Variants in GNA12 observed in about 807,000 individuals in gnomAD.
GNA12 encodes the protein guanine nucleotide-binding protein subunit alpha-12.
In GNA12, 9 loss-of-function variants were observed where a neutral mutation model predicts 26.0. The observed-to-expected ratio is 0.35, with a 90% CI of 0.21 to 0.60. The LOEUF is 0.60. GNA12 is among the 20% of genes least tolerant of loss of function. The pLI is 0.78. For missense variants in GNA12, 405 were observed against 525.8 expected, an observed-to-expected ratio of 0.77 and a Z score of 2.25; for synonymous variants, 264 against 219.6, an observed-to-expected ratio of 1.20 and a Z score of -1.79.
Position 2,813,269 on chromosome 7 carries a change from T to C in GNA12, c.310-18126A>G, listed in dbSNP as rs150723068. Reference sequence around the variant, plus strand: ...TCTAAGATGAAACAAAGTTTCAAACTATAAATATTTATGAGCTTTGAGGAA... The same window carrying C: ...TCTAAGATGAAACAAAGTTTCAAACCATAAATATTTATGAGCTTTGAGGAA... On this transcript the variant is annotated intron_variant, in intron 1 of 3. Transcript: ENST00000275364. 5.1e-3 allele frequency among the ~76,000 whole-genome samples: 776 copies of C among 152,358 alleles called. 4 individuals are homozygous for C. Among genetic ancestry groups the C allele is most frequent in the Non-Finnish European group, 8.6e-3 (582 of 68,028 alleles).
At chr7:2,787,721 G>C (rs184109723) in intron 2 of GNA12, among the ~76,000 whole-genome samples, 2 of 152,358 alleles carry the variant, frequency 1.3e-5, no homozygotes, top group African/African-American at 4.8e-5. Flanking sequence ...GGAAGGGGGA[G>C]AGGCCGGGGG....
intron 1 of GNA12, among the ~76,000 whole-genome samples, chr7:2,812,056 C>T (rs766927429): frequency 1.4e-4 from 21 of 152,252 alleles, no homozygotes; most frequent in Non-Finnish European, 2.2e-4. Context: ...GCGTTTCACG[C>T]GACTCCTCTC....
At chr7:2,777,507 G>A (rs1449142854) in intron 2 of GNA12, among the ~76,000 whole-genome samples, 3 of 152,308 alleles carry the variant, frequency 2.0e-5, no homozygotes, top group African/African-American at 7.2e-5. Flanking sequence ...GTATCTGGAG[G>A]TGGGGTCTTT....
At chr7:2,733,829 G>A (rs1313173448) in intron 2 of GNA12, among the ~76,000 whole-genome samples, 1 of 152,202 alleles carries the variant, frequency 6.6e-6, no homozygotes, top group Non-Finnish European at 1.5e-5. Flanking sequence ...GCCCACTCCT[G>A]GCCATGCGGC....
intron 1 of GNA12, among the ~76,000 whole-genome samples, chr7:2,812,636 AACATC>A (rs3831678): frequency 0.095 from 12,780 of 134,032 alleles, 882 homozygotes; most frequent in African/African-American, 0.19. Context: ...TCTCAAAAAT[AACATC>A]ACATCACATC....
At chr7:2,784,550 G>T (rs1159562805) in intron 2 of GNA12, among the ~76,000 whole-genome samples, 1 of 152,168 alleles carries the variant, frequency 6.6e-6, no homozygotes. Context: ...TACCTTTTAT[G>T]TATGATAGTA....
rs545388949 is a variant in GNA12, at chr7:2,741,655, T to C, written c.526-8154A>G. Among the ~76,000 whole-genome samples, 18 of 148,470 alleles carry C rather than the reference T, an allele frequency of 1.2e-4. No homozygotes were observed. In the South Asian group the frequency reaches 3.7e-3, roughly 30 times the overall value. On this transcript the variant is annotated intron_variant, in intron 2 of 3. Coordinates refer to ENST00000275364, the MANE Select transcript of GNA12 (RefSeq NM_007353.3). ...TTCTCTAGATTCACCTGTTCACATC[T>C]TCTCTCATTTGCTTTATCCTTCGCT...
chr7:2,761,254 C>T (rs1791540673), intron 2 of GNA12, among the ~76,000 whole-genome samples: 1 of 152,138 alleles, frequency 6.6e-6, no homozygotes, highest in African/African-American at 2.4e-5. Context: ...ATGGCACAGT[C>T]CCCCTCTGGG....
At chr7:2,738,919 G>C (rs1452950459) in intron 2 of GNA12, among the ~76,000 whole-genome samples, 1 of 152,196 alleles carries the variant, frequency 6.6e-6, no homozygotes, top group Non-Finnish European at 1.5e-5. Flanking sequence ...CCCTTGCCCT[G>C]TGTGTAGCCT....
At chr7:2,812,300 G>A (rs1205606118) in intron 1 of GNA12, among the ~76,000 whole-genome samples, 1 of 152,202 alleles carries the variant, frequency 6.6e-6, no homozygotes, top group Non-Finnish European at 1.5e-5. Flanking sequence ...CTAAGACACG[G>A]GCAGAGTCCT....
At chr7:2,736,343 CACTCAAGATTAACACAA>C (rs1282960053) in intron 2 of GNA12, among the ~76,000 whole-genome samples, 1 of 152,180 alleles carries the variant, frequency 6.6e-6, no homozygotes, top group Admixed American at 6.5e-5. Flanking sequence ...AAACCTACAC[CACTCAAGATTAACACAA>C]ACTTGGACTT....
At position 2,797,439 on chromosome 7, in the gene GNA12, C is replaced by T. The variant is rs117875959; in HGVS notation, c.310-2296G>A. Among the ~76,000 whole-genome samples the T allele has an allele frequency of 9.6e-3, 1,462 of 152,122 alleles. 10 individuals carry two copies. Among genetic ancestry groups the T allele is most frequent in the Middle Eastern group, 0.075 (22 of 294 alleles). On this transcript the variant is annotated intron_variant, in intron 1 of 3. Coordinates refer to ENST00000275364, the MANE Select transcript of GNA12 (RefSeq NM_007353.3). ...GAATTACAGGTGTGAGCCACTGCATCCGGCCTTTTTTTTTTTTTCCTTTTT... is the reference window on the plus strand; with the variant it reads ...GAATTACAGGTGTGAGCCACTGCATTCGGCCTTTTTTTTTTTTTCCTTTTT...
rs770685700 is a variant in GNA12 at position 2,731,551 on chromosome 7, T to A, written c.776A>T (p.Gln259Leu). Reference sequence around the variant, plus strand: ...GGTGCGCCTGTCCTCCATGAGGACCTGGTCGTACTCGCTGGAGGAGACCAT... The same window carrying A: ...GGTGCGCCTGTCCTCCATGAGGACCAGGTCGTACTCGCTGGAGGAGACCAT... ...LFMVSSSEYDQVLMEDRRTNR... is the reference protein window; with the variant it reads ...LFMVSSSEYDLVLMEDRRTNR... Residue 259 changes from glutamine to leucine, a missense_variant, in exon 4 of 4, where the codon CAG (glutamine) becomes CTG (leucine). By Grantham distance (113) the Gln-to-Leu change is moderately radical. Transcript: ENST00000275364. This position sits in a 1 kb window ranked among gnomAD's most constrained non-coding sequence, Gnocchi z 6.0. 6.2e-7 allele frequency: 1 copy of A among 1,611,296 alleles called. No homozygotes were observed. Among genetic ancestry groups the A allele is most frequent in the South Asian group, 1.1e-5 (1 of 90,926 alleles).
At position 2,740,901 on chromosome 7, in the gene GNA12, C is replaced by T. The variant is rs149794742; in HGVS notation, c.526-7400G>A. ...CTACTAAAAATACAAAAAAATTAGT[C>T]GGGCGTGGTGGCAGGTGCCTGTAGT... On this transcript the variant is annotated intron_variant, in intron 2 of 3. Transcript: ENST00000275364. 1.3e-4 allele frequency among the ~76,000 whole-genome samples: 20 copies of T among 152,166 alleles called. No homozygotes were observed. The East Asian group carries it at 1.9e-3, about 15-fold the overall frequency.
intron 1 of GNA12, among the ~76,000 whole-genome samples, chr7:2,834,305 G>A (rs1316400677): frequency 6.6e-6 from 1 of 152,214 alleles, no homozygotes; most frequent in Non-Finnish European, 1.5e-5. Context: ...TCAAAGGCCA[G>A]CTCAAATCAC....
intron 2 of GNA12, among the ~76,000 whole-genome samples, chr7:2,789,077 C>G (rs1792440748): frequency 6.6e-6 from 1 of 151,678 alleles, no homozygotes; most frequent in African/African-American, 2.4e-5. Context: ...CTTGGCCTCC[C>G]AAAGTGCTCC....
intron 1 of GNA12, among the ~76,000 whole-genome samples, chr7:2,821,289 C>T (rs897301134): frequency 1.3e-5 from 2 of 152,202 alleles, no homozygotes; most frequent in Admixed American, 6.5e-5. Context: ...CACAGGGACA[C>T]GCTGCCTCCC....
At chr7:2,771,287 T>C (rs1038563145) in intron 2 of GNA12, among the ~76,000 whole-genome samples, 3 of 152,068 alleles carry the variant, frequency 2.0e-5, no homozygotes, top group African/African-American at 7.2e-5. Flanking sequence ...CAAGACTCCC[T>C]GCCACTCAAA....
chr7:2,752,765 C>G (rs1315807209), intron 2 of GNA12, among the ~76,000 whole-genome samples: 1 of 152,114 alleles, frequency 6.6e-6, no homozygotes, highest in African/African-American at 2.4e-5. Flanking sequence ...ATTATAGATG[C>G]ATAGGAAGTT....
Sources: gnomAD v4.1 joint callset for allele counts (sites outside exome capture counted in the v4.1 genomes callset) on GRCh38, gnomAD v4.1.1 for gene constraint, Gnocchi (gnomAD v3.1) non-coding constraint, MANE v1.5 for transcripts, NCBI Gene and HGNC (gene_info 2026-07-23, HGNC 2026-07-21) for gene names.